SNRPN: variants seen among roughly 807,000 people sequenced by gnomAD.
SNRPN encodes the protein small nuclear ribonucleoprotein-associated protein N.
A neutral mutation model predicts 25.2 loss-of-function variants in SNRPN; 7 were observed. That is an observed-to-expected ratio of 0.28 (90% CI 0.16 to 0.52). SNRPN has a LOEUF of 0.52. Among genes scored for constraint, SNRPN ranks in the 20% least tolerant of loss-of-function variants. SNRPN has a pLI of 0.96. For synonymous variants in SNRPN, 124 were observed against 110.6 expected, an observed-to-expected ratio of 1.12 and a Z score of -0.76; for missense variants, 196 against 322.5, an observed-to-expected ratio of 0.61 and a Z score of 3.00.
chr15:24,910,934 G>A, intron 2 of SNRPN: 1 of 759,440 alleles, frequency 1.3e-6, no homozygotes. Flanking sequence ...CTGTAGGCTG[G>A]CAGAGGAAAG....
intron 2 of SNRPN, among the ~76,000 whole-genome samples, chr15:24,902,899 G>T (rs1227319549): frequency 6.6e-6 from 1 of 152,350 alleles, no homozygotes; most frequent in South Asian, 2.1e-4. Flanking sequence ...AGGGACCCCA[G>T]TGGGTTGCCA....
In SNRPN at chr15:24,872,820, C is replaced by T. The variant is rs1311140096; in HGVS notation, c.-578-13696C>T. ...ATCCCAGCACTTTGTGAGGCTGAGG[C>T]GGGCGGATCACACTGCACTCCAGCC... On this transcript the variant is annotated intron_variant, in intron 1 of 11. Transcript: ENST00000400097. 5.4e-5 allele frequency among the ~76,000 whole-genome samples: 5 copies of T among 92,808 alleles called. 1 individual carries two copies. Among genetic ancestry groups the T allele is most frequent in the South Asian group, 9.0e-4 (2 of 2,230 alleles). The allele number at this position is 92,808 out of a possible 152,430, so 60.9% of individuals were successfully genotyped here.
At chr15:24,851,080 C>G (rs540788042) in intron 2 of SNRPN, 91 of 152,008 alleles carry the variant, frequency 6.0e-4, no homozygotes, top group African/African-American at 2.1e-3. Flanking sequence ...GCCACCAAGC[C>G]CTGCCTATTT....
intron 1 of SNRPN, among the ~76,000 whole-genome samples, chr15:24,958,518 T>C (rs1302040059): frequency 9.8e-6 from 1 of 101,860 alleles, no homozygotes; most frequent in African/African-American, 4.2e-5. Flanking sequence ...TTTTTTTTTT[T>C]TTAAATAGAC....
chr15:24,969,894 T>C (rs1424150178), intron 3 of SNRPN, among the ~76,000 whole-genome samples: 1 of 152,174 alleles, frequency 6.6e-6, no homozygotes, highest in Non-Finnish European at 1.5e-5. Context: ...TTTGGCCACA[T>C]TGGTGCTACG....
In SNRPN at chr15:24,929,005, G is replaced by GT. The variant is rs2060611710; in HGVS notation, c.-391+8887dup. On this transcript the variant is annotated intron_variant, in intron 3 of 11. Transcript: ENST00000400097. The surrounding 1 kb of genome is among the most constrained non-coding windows in gnomAD (Gnocchi z 5.3). ...TTGTCCCCACTATTAAATCAGCTGT[G>GT]TTTTTTCCAAGGAATCCTGATTTCT... is the stretch of plus-strand genomic sequence containing the variant. Among the ~76,000 whole-genome samples the GT allele has an allele frequency of 1.3e-5, 2 of 152,140 alleles. No individual in the cohort carries two copies. Among genetic ancestry groups the GT allele is most frequent in the South Asian group, 2.1e-4 (1 of 4,810 alleles).
intron 3 of SNRPN, among the ~76,000 whole-genome samples, chr15:24,924,876 G>T (rs1415907655): frequency 6.6e-6 from 1 of 152,130 alleles, no homozygotes; most frequent in Admixed American, 6.6e-5. Context: ...CCACAGCCAG[G>T]TCTTGTTGAG....
chr15:24,941,151 AT>A, intron 3 of SNRPN, among the ~76,000 whole-genome samples: 1 of 151,990 alleles, frequency 6.6e-6, no homozygotes, highest in Non-Finnish European at 1.5e-5. Context: ...TAATTTTTGT[AT>A]TTTTAGTAGA....
chr15:24,905,423 C>T lies in SNRPN; in HGVS notation c.-504-14588C>T, dbSNP rs369868530. On this transcript the variant is annotated intron_variant, in intron 2 of 11. Transcript: ENST00000400097. The stretch of plus-strand genomic sequence containing the variant: ...GCTCAGGAGGCTGAGGCAGGAGAGT[C>T]GCTTGAACCCGGGAGGCGGAGGTGG... Among the ~76,000 whole-genome samples the T allele has an allele frequency of 5.3e-4, 80 of 150,306 alleles. 1 individual carries two copies. In the East Asian group the frequency reaches 8.7e-3, roughly 16 times the overall value.
chr15:24,849,951 A>G (rs1365849123), intron 2 of SNRPN: 2 of 152,238 alleles, frequency 1.3e-5, no homozygotes, highest in Non-Finnish European at 2.9e-5. Context: ...TGAATTTGCA[A>G]ATATCTTGAA....
intron 3 of SNRPN, among the ~76,000 whole-genome samples, chr15:24,948,419 A>G (rs972487512): frequency 6.6e-6 from 1 of 152,072 alleles, no homozygotes; most frequent in Non-Finnish European, 1.5e-5. Context: ...GCCTCAGAAC[A>G]GTTTATATTT....
intron 2 of SNRPN, chr15:24,910,867 G>T: frequency 1.7e-6 from 1 of 602,322 alleles, no homozygotes; most frequent in Admixed American, 2.6e-5. Context: ...GATTCAGGGT[G>T]CTTTTAGTGC....
At chr15:24,893,370 A>G (rs1206509882) in intron 2 of SNRPN, among the ~76,000 whole-genome samples, 2 of 152,232 alleles carry the variant, frequency 1.3e-5, no homozygotes, top group Admixed American at 1.3e-4. Context: ...TAATCCCAGC[A>G]CATTGGGAAC....
At chr15:24,877,160 T>C (rs894007259) in intron 1 of SNRPN, among the ~76,000 whole-genome samples, 1 of 152,026 alleles carries the variant, frequency 6.6e-6, no homozygotes, top group Non-Finnish European at 1.5e-5. Flanking sequence ...CCAGGAAAAA[T>C]GGCCACAGAA....
intron 3 of SNRPN, among the ~76,000 whole-genome samples, chr15:24,945,988 C>T (rs1418157071): frequency 6.6e-6 from 1 of 152,154 alleles, no homozygotes; most frequent in Non-Finnish European, 1.5e-5. Context: ...TCCTGGGCTC[C>T]AGTGCTCAAT....
chr15:24,870,525 G>A (rs1042392868), intron 1 of SNRPN, among the ~76,000 whole-genome samples: 1 of 152,130 alleles, frequency 6.6e-6, no homozygotes, highest in Admixed American at 6.5e-5. Context: ...CAGTGAGTGA[G>A]TTGGCCTTGT....
At position 24,865,006 on chromosome 15, in the gene SNRPN, G is replaced by A. The variant is rs182799569; in HGVS notation, c.-579+8290G>A. 3.5e-4 allele frequency among the ~76,000 whole-genome samples: 52 copies of A among 150,656 alleles called. No homozygotes were observed. The South Asian group carries it at 7.3e-3, about 21-fold the overall frequency. On this transcript the variant is annotated intron_variant, in intron 1 of 11. Coordinates refer to the SNRPN transcript ENST00000400097. ...GCATGTATACTGAACAAACATGCAC[G>A]TAACCTATGACCCATGTTCACCTTG...
At chr15:24,835,089 A>AATAG (rs1275080184) in intron 2 of SNRPN, among the ~76,000 whole-genome samples, 1 of 25,086 alleles carries the variant, frequency 4.0e-5, no homozygotes, top group East Asian at 1.7e-3. Flanking sequence ...CTATATATAA[A>AATAG]ATATATAGAT....
In SNRPN at chr15:24,924,367, C is replaced by A. The variant is rs142339002; in HGVS notation, c.-391+4243C>A. ...AGGTAACAGCCGGTGACAAAGTCTG[C>A]GTGTGTTATCAAGGTCTACTCTCCT... On this transcript the variant is annotated intron_variant, in intron 3 of 11. Coordinates refer to the SNRPN transcript ENST00000400097. Among the ~76,000 whole-genome samples, 769 of 152,014 alleles carry A rather than the reference C, an allele frequency of 5.1e-3. 3 individuals carry two copies. Among genetic ancestry groups the A allele is most frequent in the Non-Finnish European group, 9.0e-3 (613 of 67,972 alleles).
Sources: allele counts gnomAD v4.1 joint callset (sites outside exome capture counted in the v4.1 genomes callset), GRCh38; gene constraint gnomAD v4.1.1; non-coding constraint Gnocchi (gnomAD v3.1); transcripts MANE v1.5; gene names NCBI Gene and HGNC (gene_info 2026-07-23, HGNC 2026-07-21).